PCDH15: variants seen among roughly 807,000 people sequenced by gnomAD.
PCDH15 encodes the protein protocadherin related 15.
PCDH15 carries 129 observed loss-of-function variants against 178.5 expected under a neutral mutation model. The ratio of observed to expected loss-of-function variants is 0.72; its 90% CI spans 0.63 to 0.84. PCDH15 has a LOEUF of 0.84. Among genes scored for constraint, PCDH15 ranks in the 40% least tolerant of loss-of-function variants. PCDH15 has a pLI of 0.00. For synonymous variants in PCDH15, 800 were observed against 732.0 expected, an observed-to-expected ratio of 1.09 and a Z score of -1.50; for missense variants, 2,230 against 2,099.9, an observed-to-expected ratio of 1.06 and a Z score of -1.21.
intron 8 of PCDH15, among the ~76,000 whole-genome samples, chr10:54,308,983 A>G (rs921990211): frequency 3.9e-5 from 6 of 152,006 alleles, no homozygotes; most frequent in Admixed American, 3.3e-4. Context: ...ATTTTGACAA[A>G]CGATCTTCGC....
intron 23 of PCDH15, among the ~76,000 whole-genome samples, chr10:53,951,769 TG>T (rs1300595549): frequency 5.9e-5 from 9 of 152,224 alleles, no homozygotes; most frequent in Admixed American, 5.9e-4. Flanking sequence ...CCACTCAGCC[TG>T]GCAGGCTTCA....
rs139944536 is a variant in PCDH15, at chr10:55,415,128, G to C, written c.-156+212497C>G. 3.4e-4 allele frequency among the ~76,000 whole-genome samples: 51 copies of C among 151,586 alleles called. 1 individual carries two copies. Among genetic ancestry groups the C allele is most frequent in the African/African-American group, 1.2e-3 (48 of 41,462 alleles). ...ACAAGAGACTTTATTATGAAATGAT[G>C]TGAAACTTTATCAAATGCTCTTTGG... On this transcript the variant is annotated intron_variant, in intron 2 of 5. Transcript: ENST00000613346.
chr10:55,279,270 G>A (rs1842669962), intron 1 of PCDH15, among the ~76,000 whole-genome samples: 1 of 152,176 alleles, frequency 6.6e-6, no homozygotes, highest in Non-Finnish European at 1.5e-5. Flanking sequence ...GATCTCTGAG[G>A]AGTTGTCAGA....
intron 25 of PCDH15, among the ~76,000 whole-genome samples, chr10:53,937,087 G>C (rs781290467): frequency 2.0e-5 from 3 of 152,088 alleles, no homozygotes; most frequent in Non-Finnish European, 2.9e-5. Context: ...GGATAATTCA[G>C]GAATTGGTTT....
chr10:54,758,146 T>C (rs565245502), intron 1 of PCDH15, among the ~76,000 whole-genome samples: 130 of 152,316 alleles, frequency 8.5e-4, no homozygotes, highest in Non-Finnish European at 1.2e-3. Context: ...TTTGTTAACT[T>C]TAATAGTTCC....
chr10:55,467,187 C>T (rs1839848419), intron 2 of PCDH15, among the ~76,000 whole-genome samples: 1 of 151,990 alleles, frequency 6.6e-6, no homozygotes, highest in African/African-American at 2.4e-5. Flanking sequence ...TTGAAACAAA[C>T]AAAAATCCAA....
intron 2 of PCDH15, among the ~76,000 whole-genome samples, chr10:54,990,639 T>C (rs1839477606): frequency 6.6e-6 from 1 of 152,214 alleles, no homozygotes; most frequent in African/African-American, 2.4e-5. Flanking sequence ...TACATGTTTA[T>C]ATAAACCATC....
intron 8 of PCDH15, among the ~76,000 whole-genome samples, chr10:54,301,846 A>G (rs905353427): frequency 3.3e-5 from 5 of 152,164 alleles, no homozygotes; most frequent in African/African-American, 1.2e-4. Context: ...CATAGCACCC[A>G]CCACATCTAT....
At position 55,288,169 on chromosome 10, in the gene PCDH15, T is replaced by A. The variant is rs181914707; in HGVS notation, c.-156+31430A>T. 5.8e-4 allele frequency among the ~76,000 whole-genome samples: 87 copies of A among 151,028 alleles called. 1 individual carries two copies. The Middle Eastern group carries it at 0.02, about 35-fold the overall frequency. ...ACTGACATCAATTTTTCTGCTTTCATATGCCCAGGTATAGAGTAACGGCAC... is the reference window on the plus strand; with the variant it reads ...ACTGACATCAATTTTTCTGCTTTCAAATGCCCAGGTATAGAGTAACGGCAC... On this transcript the variant is annotated intron_variant, in intron 1 of 5. Coordinates refer to the PCDH15 transcript ENST00000458638.
intron 17 of PCDH15, among the ~76,000 whole-genome samples, chr10:54,070,500 A>T (rs530085600): frequency 6.6e-6 from 1 of 152,330 alleles, no homozygotes; most frequent in African/African-American, 2.4e-5. Flanking sequence ...CATCGCACCC[A>T]GCTTACTGTT....
At chr10:55,337,595 T>C (rs1844429297) in intron 2 of PCDH15, among the ~76,000 whole-genome samples, 1 of 152,246 alleles carries the variant, frequency 6.6e-6, no homozygotes, top group Non-Finnish European at 1.5e-5. Flanking sequence ...TCAGGCATTC[T>C]GATTCGGCAA....
rs556930755 is a variant in PCDH15, at chr10:54,552,799, C to A, written c.92-24922G>T. ...TGTCAACATTACTCTGGTAAGAGTT[C>A]ATGGCAATGACTTGTTGATTCTAGG... On this transcript the variant is annotated intron_variant, in intron 2 of 37. Transcript: ENST00000644397. Among the ~76,000 whole-genome samples, 11 of 152,180 alleles carry A rather than the reference C, an allele frequency of 7.2e-5. No individual in the cohort carries two copies. In the East Asian group the frequency reaches 2.1e-3, roughly 29 times the overall value.
At chr10:54,930,412 T>A (rs1837743665) in intron 2 of PCDH15, among the ~76,000 whole-genome samples, 1 of 152,180 alleles carries the variant, frequency 6.6e-6, no homozygotes, top group Non-Finnish European at 1.5e-5. Context: ...CTCTTTCTTT[T>A]ACCTGTTAAA....
intron 1 of PCDH15, among the ~76,000 whole-genome samples, chr10:54,728,340 G>A (rs772435751): frequency 1.3e-5 from 2 of 151,288 alleles, no homozygotes; most frequent in Non-Finnish European, 3.0e-5. Flanking sequence ...ACCAAACCAC[G>A]TGATTATCTC....
chr10:55,524,999 C>A (rs1210009232), intron 2 of PCDH15, among the ~76,000 whole-genome samples: 1 of 151,680 alleles, frequency 6.6e-6, no homozygotes, highest in Non-Finnish European at 1.5e-5. Flanking sequence ...TCAACCTTTG[C>A]TGGATTATGC....
At chr10:54,584,748 T>G (rs977008134) in intron 2 of PCDH15, among the ~76,000 whole-genome samples, 30 of 152,152 alleles carry the variant, frequency 2.0e-4, no homozygotes, top group African/African-American at 7.0e-4. Flanking sequence ...GAAGCATAAC[T>G]GTGCTGAGTT....
chr10:53,848,573 G>T lies in PCDH15; in HGVS notation c.3807-8077C>A, dbSNP rs4520500. On this transcript the variant is annotated intron_variant, in intron 28 of 37. Coordinates refer to ENST00000644397, the MANE Select transcript of PCDH15 (RefSeq NM_001384140.1). ...ATAAAAACATAAATAAAGTTGTCTG[G>T]AAATGTTTTTTTCCTTAGTGTTTTA... Among the ~76,000 whole-genome samples the T allele has an allele frequency of 2.0e-3, 305 of 151,964 alleles. 2 individuals carry two copies. Among genetic ancestry groups the T allele is most frequent in the Admixed American group, 4.6e-3 (70 of 15,254 alleles).
At chr10:54,608,817 A>AAAGAAG (rs532876595) in intron 2 of PCDH15, among the ~76,000 whole-genome samples, 2 of 151,990 alleles carry the variant, frequency 1.3e-5, no homozygotes, top group African/African-American at 2.4e-5. Context: ...TCCATTAAAA[A>AAAGAAG]AAGAAGAAGA....
At chr10:54,495,209 A>C (rs2079998514) in intron 3 of PCDH15, among the ~76,000 whole-genome samples, 1 of 152,150 alleles carries the variant, frequency 6.6e-6, no homozygotes, top group Admixed American at 6.6e-5. Context: ...TCATATTAAA[A>C]TTTAGAGATG....
Sources: gnomAD v4.1 joint callset for allele counts (sites outside exome capture counted in the v4.1 genomes callset) on GRCh38, gnomAD v4.1.1 for gene constraint, MANE v1.5 for transcripts, NCBI Gene and HGNC (gene_info 2026-07-23, HGNC 2026-07-21) for gene names.